The following USP24 variants were observed in gnomAD, a reference collection of about 807,000 sequenced individuals.
USP24 encodes the protein ubiquitin specific peptidase 24, also known as ubiquitin carboxyl-terminal hydrolase 24.
A neutral mutation model predicts 361.6 loss-of-function variants in USP24; 97 were observed. The observed-to-expected ratio is 0.27, with a 90% CI of 0.23 to 0.32. USP24 has a LOEUF of 0.32. USP24 is among the 10% of genes least tolerant of loss of function. USP24 has a pLI of 1.00. For missense variants in USP24, 2,353 were observed against 3,165.6 expected, an observed-to-expected ratio of 0.74 and a Z score of 6.16; for synonymous variants, 1,098 against 1,124.6, an observed-to-expected ratio of 0.98 and a Z score of 0.47.
chr1:55,212,488 T>C (rs1465610870), intron 1 of USP24, among the ~76,000 whole-genome samples: 1 of 152,286 alleles, frequency 6.6e-6, no homozygotes, highest in South Asian at 2.1e-4. Flanking sequence ...TTAAATAAAC[T>C]GTATAACGCA....
chr1:55,164,860 T>C (rs1445229082), intron 7 of USP24, among the ~76,000 whole-genome samples: 1 of 152,004 alleles, frequency 6.6e-6, no homozygotes, highest in African/African-American at 2.4e-5. Context: ...GCTTTTTAAA[T>C]TGTTATATAT....
At chr1:55,084,112 T>C (rs1478136615) in intron 56 of USP24, among the ~76,000 whole-genome samples, 1 of 152,154 alleles carries the variant, frequency 6.6e-6, no homozygotes, top group Non-Finnish European at 1.5e-5. Context: ...AAAAGCTTAG[T>C]TTCAGTTCCT....
At chr1:55,191,235 C>T (rs1165661837) in intron 1 of USP24, among the ~76,000 whole-genome samples, 6 of 152,150 alleles carry the variant, frequency 3.9e-5, no homozygotes, top group East Asian at 1.9e-4. Flanking sequence ...GGTCAGTTTA[C>T]GATTAAAGTA....
intron 66 of USP24, 132 bp from the exon 67 acceptor site, chr1:55,072,056 C>G: frequency 1.2e-6 from 1 of 825,478 alleles, no homozygotes; most frequent in Non-Finnish European, 2.0e-6. Flanking sequence ...TCATCACAGT[C>G]ACCAGAACCC....
intron 58 of USP24, among the ~76,000 whole-genome samples, chr1:55,083,026 C>T (rs937351942): frequency 1.3e-5 from 2 of 151,696 alleles, no homozygotes; most frequent in African/African-American, 4.8e-5. Context: ...TTTTGAAACC[C>T]CCTCCCCAGT....
chr1:55,168,446 C>T (rs1167608945), intron 5 of USP24, among the ~76,000 whole-genome samples: 1 of 151,796 alleles, frequency 6.6e-6, no homozygotes, highest in South Asian at 2.1e-4. Flanking sequence ...AGCTCAGAAG[C>T]TTAAAACGAA....
chr1:55,085,208 T>C (rs1324906258), intron 56 of USP24, among the ~76,000 whole-genome samples: 1 of 152,136 alleles, frequency 6.6e-6, no homozygotes, highest in Non-Finnish European at 1.5e-5. Flanking sequence ...CTAAGGGGCA[T>C]ATTTGACTGC....
chr1:55,072,124 A>G (rs1264090404), intron 66 of USP24, among the ~76,000 whole-genome samples, 193 bp downstream of exon 66: 1 of 152,118 alleles, frequency 6.6e-6, no homozygotes, highest in East Asian at 1.9e-4. Flanking sequence ...CTTTCCTTCT[A>G]GACAAATAAT....
chr1:55,159,800 T>G (rs1570576069), intron 8 of USP24, 115 bp from the exon 9 acceptor site: 5 of 969,158 alleles, frequency 5.2e-6, no homozygotes, highest in Non-Finnish European at 7.6e-6. Context: ...AGATAAAAAT[T>G]TTCATATCAG....
At chr1:55,070,759 G>A (rs201509617) in intron 67 of USP24, among the ~76,000 whole-genome samples, 4 of 152,310 alleles carry the variant, frequency 2.6e-5, no homozygotes, top group Admixed American at 1.3e-4. Context: ...GTGCTGAGAC[G>A]TCGCTGGGAA....
chr1:55,108,867 G>A (rs1645867515), intron 39 of USP24, among the ~76,000 whole-genome samples: 1 of 152,172 alleles, frequency 6.6e-6, no homozygotes, highest in Admixed American at 6.5e-5. Context: ...TGGACATGTA[G>A]TCCACCCACT....
At chr1:55,157,497 T>C (rs1479384310) in intron 10 of USP24, 127 bp from the exon 11 acceptor site, 6 of 546,036 alleles carry the variant, frequency 1.1e-5, no homozygotes, top group Non-Finnish European at 1.9e-5. Flanking sequence ...AAAGGCCAGT[T>C]ATAAGAAGTT....
At chr1:55,081,538 C>A in intron 58 of USP24, 114 bp from the exon 59 acceptor site, 1 of 1,021,918 alleles carries the variant, frequency 9.8e-7, no homozygotes. Flanking sequence ...TTTCTCAGTG[C>A]TTGACAGAAG....
chr1:55,178,209 A>T, intron 1 of USP24, 77 bp from the exon 2 acceptor site: 1 of 1,450,884 alleles, frequency 6.9e-7, no homozygotes, highest in Non-Finnish European at 9.4e-7. Context: ...TGTAACACAG[A>T]GCAGATACTG....
At chr1:55,144,060 T>C (rs1388647569) in intron 21 of USP24, 67 bp downstream of exon 21, 2 of 1,318,048 alleles carry the variant, frequency 1.5e-6, no homozygotes, top group Non-Finnish European at 2.0e-6. Context: ...TAACACTTTT[T>C]TTTTTGCTGA....
intron 36 of USP24, 67 bp from the exon 37 acceptor site, chr1:55,121,573 T>C (rs1043108360): frequency 2.2e-6 from 3 of 1,340,150 alleles, no homozygotes; most frequent in South Asian, 1.3e-5. Flanking sequence ...CAAATTTTGA[T>C]TAATTTCTTA....
Position 55,214,866 on chromosome 1 carries a change from G to A in USP24, c.248C>T (p.Pro83Leu). The A allele has an allele frequency of 6.6e-6, 8 of 1,221,142 alleles. No homozygotes were observed. The highest frequency in any genetic ancestry group is 7.2e-6 in the Non-Finnish European group (7 of 974,802). The allele number at this position is 1,221,142 out of a possible 1,614,324, so 75.6% of individuals were successfully genotyped here. ...GCCTCCGGTGCTCCCGCCGCGGGAG[G>A]GGCCGCCGCCGCCGCCGTCACCTCC... ...DGGGDGGGGG[P>L]SRGGSTGGGG... Residue 83 changes from proline to leucine, a missense_variant, in exon 1 of 68, where the codon CCC (proline) becomes CTC (leucine). Physicochemically the swap from Pro to Leu is moderately conservative, Grantham distance 98. This residue lies in a region of USP24 where 253 missense variants were observed against 255.3 expected (regional missense o/e 0.99). Transcript: ENST00000294383.
intron 36 of USP24, among the ~76,000 whole-genome samples, chr1:55,122,694 G>C (rs947140353): frequency 3.3e-5 from 5 of 152,104 alleles, no homozygotes; most frequent in African/African-American, 1.2e-4. Context: ...TGACAGATTA[G>C]AAGTAGGGGG....
intron 45 of USP24, among the ~76,000 whole-genome samples, 200 bp downstream of exon 45, chr1:55,099,557 CAAAAAAAAAGAAAA>C (rs1162143261): frequency 7.2e-6 from 1 of 139,700 alleles, no homozygotes; most frequent in African/African-American, 2.7e-5. Context: ...GACTCTGTCT[CAAAAAAAAAGAAAA>C]GAAAAAAAAG....
Sources: gnomAD v4.1 joint callset for allele counts (sites outside exome capture counted in the v4.1 genomes callset) on GRCh38, gnomAD v4.1.1 for gene constraint, gnomAD v4.1.1 regional missense constraint, MANE v1.5 for transcripts, NCBI Gene and HGNC (gene_info 2026-07-23, HGNC 2026-07-21) for gene names.